Variants in CACNB2 observed in about 807,000 individuals in gnomAD.
The protein encoded by CACNB2 is calcium voltage-gated channel auxiliary subunit beta 2.
In CACNB2, 42 loss-of-function variants were observed where a neutral mutation model predicts 73.3. The observed-to-expected ratio is 0.57, with a 90% CI of 0.45 to 0.74. CACNB2 has a LOEUF of 0.74. Among genes scored for constraint, CACNB2 ranks in the 30% least tolerant of loss-of-function variants. CACNB2 has a pLI of 0.00. For missense variants in CACNB2, 940 were observed against 853.0 expected, an observed-to-expected ratio of 1.10 and a Z score of -1.27; for synonymous variants, 348 against 310.3, an observed-to-expected ratio of 1.12 and a Z score of -1.28.
intron 2 of CACNB2, among the ~76,000 whole-genome samples, chr10:18,167,196 C>T (rs2032916575): frequency 6.6e-6 from 1 of 152,122 alleles, no homozygotes; most frequent in Non-Finnish European, 1.5e-5. Context: ...AACTGAGAAT[C>T]AGAAAATCAA....
At chr10:18,274,697 C>A (rs1331562665) in intron 2 of CACNB2, among the ~76,000 whole-genome samples, 8 of 152,064 alleles carry the variant, frequency 5.3e-5, no homozygotes, top group Non-Finnish European at 1.2e-4. Flanking sequence ...GGTCAATCCT[C>A]CTCAAAGCAC....
At chr10:18,332,472 G>A (rs2040843283) in intron 2 of CACNB2, among the ~76,000 whole-genome samples, 1 of 152,276 alleles carries the variant, frequency 6.6e-6, no homozygotes, top group Non-Finnish European at 1.5e-5. Context: ...GGCGTTAAAT[G>A]CAACAATCTG....
intron 2 of CACNB2, among the ~76,000 whole-genome samples, chr10:18,188,850 G>T (rs1177898435): frequency 6.6e-6 from 1 of 152,146 alleles, no homozygotes; most frequent in Admixed American, 6.5e-5. Context: ...TAAGACTGGG[G>T]ACTAGTTCTA....
intron 2 of CACNB2, among the ~76,000 whole-genome samples, chr10:18,272,457 C>A (rs1252910333): frequency 6.6e-6 from 1 of 152,102 alleles, no homozygotes; most frequent in Non-Finnish European, 1.5e-5. Context: ...TAGAAATCAC[C>A]TCTTTCTAAT....
chr10:18,189,398 C>T (rs2034296522), intron 2 of CACNB2, among the ~76,000 whole-genome samples: 1 of 152,016 alleles, frequency 6.6e-6, no homozygotes, highest in African/African-American at 2.4e-5. Context: ...TTACATTCTT[C>T]CAGAGTTTTT....
chr10:18,345,648 T>C (rs922810886), intron 2 of CACNB2, among the ~76,000 whole-genome samples: 13 of 152,180 alleles, frequency 8.5e-5, no homozygotes, highest in Non-Finnish European at 1.9e-4. Flanking sequence ...GAATAGTTTT[T>C]CCCCTATCCA....
chr10:18,257,786 C>T (rs746482261), intron 2 of CACNB2, among the ~76,000 whole-genome samples: 21 of 152,198 alleles, frequency 1.4e-4, no homozygotes, highest in Non-Finnish European at 2.6e-4. Context: ...GTCTGTCACC[C>T]AGGCTGGAGT....
At chr10:18,467,038 C>G (rs915415538) in intron 3 of CACNB2, among the ~76,000 whole-genome samples, 1 of 152,048 alleles carries the variant, frequency 6.6e-6, no homozygotes, top group African/African-American at 2.4e-5. Context: ...CCTGTAATCC[C>G]AGCTGCTAGG....
At chr10:18,289,901 C>T (rs1469069772) in intron 2 of CACNB2, among the ~76,000 whole-genome samples, 1 of 151,738 alleles carries the variant, frequency 6.6e-6, no homozygotes, top group Admixed American at 6.6e-5. Context: ...CACATAAGGG[C>T]AACATATGGT....
intron 2 of CACNB2, among the ~76,000 whole-genome samples, chr10:18,281,646 G>A (rs1418477759): frequency 6.6e-6 from 1 of 152,154 alleles, no homozygotes; most frequent in Non-Finnish European, 1.5e-5. Flanking sequence ...CACAGTCTGA[G>A]ACAAGGACTT....
chr10:18,153,967 G>A (rs2031821650), intron 2 of CACNB2, among the ~76,000 whole-genome samples: 1 of 150,890 alleles, frequency 6.6e-6, no homozygotes, highest in Non-Finnish European at 1.5e-5. Context: ...CAAGTGACTT[G>A]CATCGACACA....
rs2053961860 is a variant in CACNB2 at position 18,539,741 on chromosome 10, T to TG, written c.*17_*18insG. 6.4e-6 allele frequency: 2 copies of TG among 312,098 alleles called. No individual in the cohort carries two copies. The highest frequency in any genetic ancestry group is 2.5e-4 in the African/African-American group (2 of 7,846). The allele number at this position is 312,098 out of a possible 1,614,324, so 19.3% of individuals were successfully genotyped here. A position where few individuals can be genotyped will look rare whatever the true frequency, so the allele number is the denominator to read the frequency against. On this transcript the variant is annotated 3_prime_UTR_variant, in exon 14 of 14. Transcript: ENST00000324631. The stretch of plus-strand genomic sequence containing the variant: ...CGCCAATGAGTTTTGCCCGTTTGTG[T>TG]TTTTTTTTTTTTTTTTTTGAAGTCT...
Position 18,154,467 on chromosome 10 carries a change from T to G in CACNB2, c.213+3492T>G, listed in dbSNP as rs777743284. 4.6e-5 allele frequency among the ~76,000 whole-genome samples: 7 copies of G among 152,068 alleles called. No homozygotes were observed. The South Asian group carries it at 1.2e-3, about 27-fold the overall frequency. On this transcript the variant is annotated intron_variant, in intron 2 of 13. Transcript: ENST00000324631. ...CATTAGGACTGTTATCTTTTTTTTT[T>G]GTTTTTGTTTTTTGTTTTGAGGTGG... is the stretch of plus-strand genomic sequence containing the variant.
chr10:18,341,018 G>A (rs2041213257), intron 2 of CACNB2: 2 of 1,602,066 alleles, frequency 1.2e-6, no homozygotes, highest in Non-Finnish European at 1.7e-6. Flanking sequence ...GCACGGTGCG[G>A]TTTAAAGAAA....
chr10:18,210,649 G>T (rs73595535), intron 2 of CACNB2, among the ~76,000 whole-genome samples: 4,534 of 152,102 alleles, frequency 0.03, 217 homozygotes, highest in African/African-American at 0.1. Flanking sequence ...TTACAATAAA[G>T]GACTCTACCT....
chr10:18,328,802 C>T (rs1041959358), intron 2 of CACNB2, among the ~76,000 whole-genome samples: 18 of 152,120 alleles, frequency 1.2e-4, no homozygotes, highest in African/African-American at 2.4e-4. Context: ...GTGAACCAAA[C>T]GTAACCCTAG....
At chr10:18,314,353 A>G (rs535793344) in intron 2 of CACNB2, among the ~76,000 whole-genome samples, 2 of 152,328 alleles carry the variant, frequency 1.3e-5, no homozygotes, top group African/African-American at 4.8e-5. Flanking sequence ...CATTTTGGAT[A>G]AGGAGATTAC....
chr10:18,389,122 A>G (rs978976440), intron 2 of CACNB2, among the ~76,000 whole-genome samples: 1 of 152,042 alleles, frequency 6.6e-6, no homozygotes, highest in South Asian at 2.1e-4. Context: ...ATGGAATCCA[A>G]CCTTATCTCT....
At chr10:18,284,009 G>A (rs1186459732) in intron 2 of CACNB2, among the ~76,000 whole-genome samples, 1 of 151,852 alleles carries the variant, frequency 6.6e-6, no homozygotes, top group Non-Finnish European at 1.5e-5. Context: ...CAGCCTATAT[G>A]TAAGAATAAG....
Sources: gnomAD v4.1 joint callset for allele counts (sites outside exome capture counted in the v4.1 genomes callset) on GRCh38, gnomAD v4.1.1 for gene constraint, MANE v1.5 for transcripts, NCBI Gene and HGNC (gene_info 2026-07-23, HGNC 2026-07-21) for gene names.